The following MERTK variants were observed in gnomAD, a reference collection of about 807,000 sequenced individuals.
MERTK encodes the protein tyrosine-protein kinase Mer.
In MERTK, 69 loss-of-function variants were observed where a neutral mutation model predicts 99.3. That is an observed-to-expected ratio of 0.70 (90% CI 0.57 to 0.85). MERTK has a LOEUF of 0.85. Among genes scored for constraint, MERTK ranks in the 40% least tolerant of loss-of-function variants. The pLI, the probability that MERTK is intolerant of heterozygous loss-of-function variation, is 0.00. For missense variants in MERTK, 1,125 were observed against 1,249.4 expected (o/e 0.90, Z 1.50); for synonymous variants, 426 against 467.6 (o/e 0.91, Z 1.15).
chr2:111,917,917 A>T (rs1275264003), intron 1 of MERTK, among the ~76,000 whole-genome samples: 1 of 151,942 alleles, frequency 6.6e-6, no homozygotes, highest in Non-Finnish European at 1.5e-5. Context: ...GACACATAAC[A>T]TATAATTTAC....
chr2:112,007,079 G>C (rs1676995146), intron 13 of MERTK, among the ~76,000 whole-genome samples: 2 of 152,098 alleles, frequency 1.3e-5, no homozygotes, highest in Non-Finnish European at 2.9e-5. Flanking sequence ...ACCATTTTAA[G>C]TGTACAATTC....
chr2:112,013,711 C>T (rs1677155372), intron 15 of MERTK, among the ~76,000 whole-genome samples: 1 of 152,218 alleles, frequency 6.6e-6, no homozygotes, highest in Non-Finnish European at 1.5e-5. Flanking sequence ...CTGACTGCCC[C>T]ATTCTGTGTG....
At chr2:111,947,274 A>ACCCCCCCC in intron 3 of MERTK, 120 bp from the exon 4 acceptor site, 1 of 351,592 alleles carries the variant, frequency 2.8e-6, no homozygotes. Flanking sequence ...CTCCATCCCC[A>ACCCCCCCC]CCCGCCCCCC....
chr2:111,926,774 C>T (rs997138041), intron 1 of MERTK, among the ~76,000 whole-genome samples: 57 of 152,278 alleles, frequency 3.7e-4, no homozygotes, highest in African/African-American at 1.3e-3. Flanking sequence ...AGTAGAGCAC[C>T]CTTGAGGGAG....
At chr2:111,996,835 C>T (rs1676753541) in intron 9 of MERTK, 1 of 184,386 alleles carries the variant, frequency 5.4e-6, no homozygotes, top group Non-Finnish European at 1.2e-5. Flanking sequence ...AACAGAGAAA[C>T]TATATTTTCT....
At chr2:111,961,496 C>T (rs1324756994) in intron 4 of MERTK, among the ~76,000 whole-genome samples, 2 of 152,086 alleles carry the variant, frequency 1.3e-5, no homozygotes, top group Non-Finnish European at 2.9e-5. Context: ...AGCAATCCAG[C>T]TTAGGGTTTC....
chr2:111,959,452 C>CGTTTGTTT (rs58897094), intron 4 of MERTK, among the ~76,000 whole-genome samples: 1 of 151,766 alleles, frequency 6.6e-6, no homozygotes, highest in Non-Finnish European at 1.5e-5. Context: ...CAAGATCCTT[C>CGTTTGTTT]GTTTGTTTGT....
chr2:111,935,461 G>T (rs1684747886), intron 2 of MERTK, among the ~76,000 whole-genome samples: 1 of 152,172 alleles, frequency 6.6e-6, no homozygotes, highest in African/African-American at 2.4e-5. Context: ...CCTCTCAGGA[G>T]CAACCGCATC....
intron 3 of MERTK, among the ~76,000 whole-genome samples, chr2:111,945,810 T>C (rs2104703288): frequency 6.6e-6 from 1 of 152,366 alleles, no homozygotes; most frequent in East Asian, 1.9e-4. Flanking sequence ...ATCTTTATTA[T>C]CACCCTCAGA....
At chr2:111,974,696 G>A (rs2104732837) in intron 6 of MERTK, among the ~76,000 whole-genome samples, 1 of 145,134 alleles carries the variant, frequency 6.9e-6, no homozygotes, top group South Asian at 2.3e-4. Context: ...TTGAATCCGG[G>A]AGGCGGAGGT....
chr2:111,961,443 C>T (rs1340849810), intron 4 of MERTK, among the ~76,000 whole-genome samples: 1 of 152,082 alleles, frequency 6.6e-6, no homozygotes, highest in Non-Finnish European at 1.5e-5. Flanking sequence ...GCATGAGCCA[C>T]CGCACCCGGC....
chr2:112,000,449 C>T (rs1318709225), intron 10 of MERTK, among the ~76,000 whole-genome samples: 1 of 152,138 alleles, frequency 6.6e-6, no homozygotes, highest in Non-Finnish European at 1.5e-5. Flanking sequence ...CTTAGACCTT[C>T]CTTGTCTTTG....
intron 4 of MERTK, among the ~76,000 whole-genome samples, chr2:111,951,386 G>A (rs1198292438): frequency 6.6e-6 from 1 of 151,498 alleles, no homozygotes; most frequent in Non-Finnish European, 1.5e-5. Context: ...TTTTTAGATT[G>A]CACATGTAAG....
intron 2 of MERTK, among the ~76,000 whole-genome samples, chr2:111,931,463 G>A (rs769184870): frequency 1.1e-4 from 16 of 152,112 alleles, no homozygotes; most frequent in Non-Finnish European, 1.8e-4. Flanking sequence ...CGAGGCAGGC[G>A]GATCACGAGG....
At position 112,028,906 on chromosome 2, in the gene MERTK, TCTG is replaced by T; in HGVS notation, c.*46_*48del. On this transcript the variant is annotated 3_prime_UTR_variant, in exon 19 of 19. Transcript: ENST00000295408. ...ACATTCCAAAAATCAAGCCAATTCT[TCTG>T]CTGTAGGAGAATCCAATTGTACCTG... 1 of 1,613,074 alleles carries T rather than the reference TCTG, an allele frequency of 6.2e-7. No homozygotes were observed. Among genetic ancestry groups the T allele is most frequent in the Non-Finnish European group, 8.5e-7 (1 of 1,180,004 alleles).
intron 1 of MERTK, among the ~76,000 whole-genome samples, chr2:111,906,580 C>T (rs1684140010): frequency 6.6e-6 from 1 of 152,200 alleles, no homozygotes; most frequent in Non-Finnish European, 1.5e-5. Flanking sequence ...TCATGGACTT[C>T]CCAAGTGTTG....
At chr2:112,028,066 CG>C (rs1677505866) in intron 18 of MERTK, 2 of 451,350 alleles carry the variant, frequency 4.4e-6, no homozygotes, top group South Asian at 4.5e-5. Context: ...GTTTGCCCGC[CG>C]CCATATAAAG....
At chr2:111,971,881 A>G (rs888642320) in intron 6 of MERTK, among the ~76,000 whole-genome samples, 1 of 152,128 alleles carries the variant, frequency 6.6e-6, no homozygotes, top group Non-Finnish European at 1.5e-5. Context: ...TCCATCTGTT[A>G]TTGAAAATGG....
intron 13 of MERTK, among the ~76,000 whole-genome samples, chr2:112,007,299 C>T (rs926714512): frequency 7.9e-5 from 12 of 152,148 alleles, no homozygotes; most frequent in Non-Finnish European, 1.2e-4. Context: ...GAACTACAGG[C>T]GCCCGCCACC....
Sources: gnomAD v4.1 joint callset for allele counts (sites outside exome capture counted in the v4.1 genomes callset) on GRCh38, gnomAD v4.1.1 for gene constraint, MANE v1.5 for transcripts, NCBI Gene and HGNC (gene_info 2026-07-23, HGNC 2026-07-21) for gene names.